Variants in UBR2 observed in about 807,000 individuals in gnomAD.
The protein encoded by UBR2 is E3 ubiquitin-protein ligase UBR2.
Under a neutral mutation model 247.9 loss-of-function variants are expected in UBR2, and 92 were observed. The ratio of observed to expected loss-of-function variants is 0.37; its 90% CI spans 0.31 to 0.44. UBR2 has a LOEUF of 0.44. Ranked by LOEUF, UBR2 falls within the 20% of genes least tolerant of loss-of-function variation. The pLI is 1.00. For synonymous variants in UBR2, 672 were observed against 693.5 expected (o/e 0.97, Z 0.49); for missense variants, 1,613 against 2,112.6 (o/e 0.76, Z 4.64).
intron 4 of UBR2, among the ~76,000 whole-genome samples, chr6:42,598,417 T>A (rs966572754): frequency 6.6e-6 from 1 of 152,184 alleles, no homozygotes; most frequent in African/African-American, 2.4e-5. Flanking sequence ...TAAAGTACTA[T>A]CTCCTTTACA....
At position 42,619,315 on chromosome 6, in the gene UBR2, A is replaced by C. The variant is rs570477287; in HGVS notation, c.1281+1808A>C. ...ATTTAGGAAGCACTAACATCTTTGC[A>C]ATATTGAATATCCCAACTAGGAATA... On this transcript the variant is annotated intron_variant, in intron 11 of 46. Transcript: ENST00000372901. Among the ~76,000 whole-genome samples, 27 of 149,366 alleles carry C rather than the reference A, an allele frequency of 1.8e-4. No homozygotes were observed. The South Asian group carries it at 5.1e-3, about 28-fold the overall frequency.
chr6:42,687,924 A>AT (rs1191419093), intron 44 of UBR2, among the ~76,000 whole-genome samples: 1 of 152,090 alleles, frequency 6.6e-6, no homozygotes, highest in Non-Finnish European at 1.5e-5. Context: ...GCTCCATAGT[A>AT]TTTTATTATA....
chr6:42,569,063 T>C (rs752518134), intron 1 of UBR2, among the ~76,000 whole-genome samples: 18 of 152,252 alleles, frequency 1.2e-4, no homozygotes, highest in Non-Finnish European at 2.4e-4. Context: ...TATTTATCTG[T>C]TCATCAGTTG....
At chr6:42,661,503 A>G (rs1797799514) in intron 30 of UBR2, among the ~76,000 whole-genome samples, 1 of 152,194 alleles carries the variant, frequency 6.6e-6, no homozygotes. Context: ...AGTGTTAGGA[A>G]ATTTCGAAGA....
At position 42,683,093 on chromosome 6, in the gene UBR2, G is replaced by T; in HGVS notation, c.4757G>T (p.Gly1586Val). Residue 1586 changes from glycine to valine, a missense_variant, in exon 43 of 47, where the codon GGT becomes GTT. Transcript: ENST00000372901. Reference protein sequence around the residue: ...RNSEVKRYLEGERDAIRYPRE... With the variant: ...RNSEVKRYLEVERDAIRYPRE... The stretch of plus-strand genomic sequence containing the variant: ...AGTGAAGTTAAAAGATATCTAGAAG[G>T]TGAAAGAGATGCTATAAGGTAAGTT... The T allele has an allele frequency of 6.2e-7, 1 of 1,612,700 alleles. No individual in the cohort carries two copies. Among genetic ancestry groups the T allele is most frequent in the South Asian group, 1.1e-5 (1 of 90,934 alleles).
intron 22 of UBR2, among the ~76,000 whole-genome samples, chr6:42,649,714 G>A (rs1050263503): frequency 3.3e-5 from 5 of 151,738 alleles, no homozygotes; most frequent in African/African-American, 1.2e-4. Flanking sequence ...TTTTCTTTAT[G>A]GTTGTTTGTC....
intron 2 of UBR2, among the ~76,000 whole-genome samples, chr6:42,577,905 CT>C (rs958122423): frequency 6.8e-4 from 99 of 146,118 alleles, no homozygotes; most frequent in Admixed American, 1.0e-3. Flanking sequence ...TTTGTATAGG[CT>C]TTTTTTTTTA....
At chr6:42,624,939 T>C (rs555212727) in intron 11 of UBR2, among the ~76,000 whole-genome samples, 1 of 152,306 alleles carries the variant, frequency 6.6e-6, no homozygotes, top group South Asian at 2.1e-4. Flanking sequence ...CTTTCATTAG[T>C]TTTATAAAGG....
intron 33 of UBR2, 109 bp downstream of exon 33, chr6:42,665,621 C>A: frequency 1.2e-6 from 1 of 845,134 alleles, no homozygotes; most frequent in South Asian, 1.9e-5. Context: ...AAAATTTTGA[C>A]TCATTCTAAT....
rs1450624560 is a variant in UBR2, at chr6:42,691,781, G to GT, written c.*608_*609insT. On this transcript the variant is annotated 3_prime_UTR_variant, in exon 47 of 47. Transcript: ENST00000372901. Reference sequence around the variant, plus strand: ...TGGCTGGTTTTTCAGGGCTGTTAGAGGTTTTTTTTTTTTCTTTTTTTTTTT... The same window carrying GT: ...TGGCTGGTTTTTCAGGGCTGTTAGAGTGTTTTTTTTTTTTCTTTTTTTTTTT... 1 of 134,902 alleles carries GT rather than the reference G, an allele frequency of 7.4e-6. No individual in the cohort carries two copies. The highest frequency in any genetic ancestry group is 2.9e-5 in the African/African-American group (1 of 34,330). 8.4% of individuals were successfully genotyped at this position (134,902 alleles called of 1,614,324 possible).
chr6:42,667,633 G>A (rs1158723047), intron 34 of UBR2, among the ~76,000 whole-genome samples: 2 of 96,124 alleles, frequency 2.1e-5, no homozygotes, highest in Non-Finnish European at 3.8e-5. Flanking sequence ...TCGTGCTGTC[G>A]CCCAGGCTCA....
intron 1 of UBR2, among the ~76,000 whole-genome samples, chr6:42,567,678 G>A (rs1184181191): frequency 1.3e-5 from 2 of 152,050 alleles, no homozygotes; most frequent in African/African-American, 4.8e-5. Flanking sequence ...GCAGTGAGCC[G>A]AGATCGCGCC....
At chr6:42,579,655 G>A (rs1021798816) in intron 2 of UBR2, among the ~76,000 whole-genome samples, 9 of 152,090 alleles carry the variant, frequency 5.9e-5, no homozygotes, top group East Asian at 1.9e-4. Flanking sequence ...AACCATAGGC[G>A]TGTGCCACCA....
In UBR2 at chr6:42,588,853, TA is replaced by T. The variant is rs764094812; in HGVS notation, c.339-3295del. 1.1e-4 allele frequency among the ~76,000 whole-genome samples: 16 copies of T among 152,210 alleles called. No individual in the cohort carries two copies. The East Asian group carries it at 1.2e-3, about 11-fold the overall frequency. On this transcript the variant is annotated intron_variant, in intron 2 of 46. Transcript: ENST00000372901. Reference sequence around the variant, plus strand: ...TCTACACTAAGTCACCTCACAAGCATAAACTCAGATTTCTCGCCATTAAGTG... The same window carrying T: ...TCTACACTAAGTCACCTCACAAGCATAACTCAGATTTCTCGCCATTAAGTG...
intron 10 of UBR2, 27 bp from the exon 11 acceptor site, chr6:42,617,382 C>G: frequency 6.2e-7 from 1 of 1,613,516 alleles, no homozygotes; most frequent in Middle Eastern, 1.6e-4. Flanking sequence ...AGCTGGCACT[C>G]CTTGCCTTTT....
At chr6:42,663,480 A>C (rs1036277763) in intron 32 of UBR2, 61 bp downstream of exon 32, 2 of 1,489,602 alleles carry the variant, frequency 1.3e-6, no homozygotes, top group Non-Finnish European at 1.8e-6. Flanking sequence ...ATAATGAAAT[A>C]ATAAATCAAG....
At chr6:42,674,633 A>T (rs1034788212) in intron 38 of UBR2, among the ~76,000 whole-genome samples, 1 of 152,050 alleles carries the variant, frequency 6.6e-6, no homozygotes, top group East Asian at 1.9e-4. Context: ...GTGGTGGCAC[A>T]TGCCTGTAAT....
intron 11 of UBR2, chr6:42,620,483 T>TTTTTTG (rs1794907005): frequency 1.4e-5 from 1 of 72,476 alleles, no homozygotes; most frequent in African/African-American, 3.7e-5. Flanking sequence ...TAAGTGTTGT[T>TTTTTTG]TTTTTTTTTT....
intron 10 of UBR2, among the ~76,000 whole-genome samples, chr6:42,616,762 A>T (rs1455759849): frequency 2.0e-5 from 3 of 152,118 alleles, no homozygotes; most frequent in Non-Finnish European, 4.4e-5. Context: ...TACGAAGTAT[A>T]TGAGAATCAC....
Sources: allele counts gnomAD v4.1 joint callset (sites outside exome capture counted in the v4.1 genomes callset), GRCh38; gene constraint gnomAD v4.1.1; transcripts MANE v1.5; gene names NCBI Gene and HGNC (gene_info 2026-07-23, HGNC 2026-07-21).